Variants in GPM6A observed in about 807,000 individuals in gnomAD.
GPM6A encodes the protein glycoprotein M6A, also known as neuronal membrane glycoprotein M6-a.
A neutral mutation model predicts 32.1 loss-of-function variants in GPM6A; 7 were observed. That is an observed-to-expected ratio of 0.22 (90% CI 0.12 to 0.41). The LOEUF (loss-of-function observed/expected upper bound fraction) is 0.41. Among genes scored for constraint, GPM6A ranks in the 10% least tolerant of loss-of-function variants. GPM6A has a pLI of 1.00. For missense variants in GPM6A, 235 were observed against 347.2 expected (o/e 0.68, Z 2.57); for synonymous variants, 130 against 123.4 (o/e 1.05, Z -0.35).
chr4:175,719,836 TTCTC>T (rs539581824), intron 1 of GPM6A, among the ~76,000 whole-genome samples: 131 of 152,296 alleles, frequency 8.6e-4, no homozygotes, highest in African/African-American at 3.1e-3. Flanking sequence ...AATATTTTCC[TTCTC>T]TCTCCCTCCC....
chr4:175,948,870 T>C (rs1739704180), intron 1 of GPM6A, among the ~76,000 whole-genome samples: 1 of 152,068 alleles, frequency 6.6e-6, no homozygotes. Context: ...ATCATTAAAA[T>C]GCCATAGATC....
intron 1 of GPM6A, among the ~76,000 whole-genome samples, chr4:175,780,358 C>A (rs1210999347): frequency 6.6e-6 from 1 of 152,084 alleles, no homozygotes; most frequent in Admixed American, 6.5e-5. Context: ...CAGGCATCAA[C>A]TTTTAATAAA....
At chr4:175,938,882 TGGGAAAAAGA>T (rs1169885352) in intron 1 of GPM6A, among the ~76,000 whole-genome samples, 1 of 151,992 alleles carries the variant, frequency 6.6e-6, no homozygotes, top group African/African-American at 2.4e-5. Context: ...CAATAAGAAA[TGGGAAAAAGA>T]CTAAAGTCAA....
At chr4:175,895,447 A>G (rs1737767486) in intron 1 of GPM6A, among the ~76,000 whole-genome samples, 1 of 152,216 alleles carries the variant, frequency 6.6e-6, no homozygotes, top group Admixed American at 6.5e-5. Context: ...ATTGGAAAAA[A>G]CTAAGAACTT....
chr4:175,883,406 C>T (rs535318758), intron 1 of GPM6A, among the ~76,000 whole-genome samples: 1 of 152,076 alleles, frequency 6.6e-6, no homozygotes, highest in East Asian at 1.9e-4. Context: ...TTGCAATATC[C>T]AATCAATATA....
At chr4:175,949,561 A>AT (rs202206058) in intron 1 of GPM6A, among the ~76,000 whole-genome samples, 9,130 of 152,218 alleles carry the variant, frequency 0.06, 864 homozygotes, top group African/African-American at 0.2. Context: ...AGTTTGTTTG[A>AT]TTTTTTATCT....
At chr4:175,727,282 C>A (rs1731211429) in intron 1 of GPM6A, among the ~76,000 whole-genome samples, 1 of 152,062 alleles carries the variant, frequency 6.6e-6, no homozygotes. Flanking sequence ...ACCTAGTAGA[C>A]TTGAAAACAA....
At chr4:175,943,707 G>GC (rs1739491242) in intron 1 of GPM6A, among the ~76,000 whole-genome samples, 1 of 152,120 alleles carries the variant, frequency 6.6e-6, no homozygotes, top group South Asian at 2.1e-4. Context: ...TGTTTAACCA[G>GC]CCTTACATCC....
chr4:175,718,863 T>C (rs1745974156), intron 1 of GPM6A, among the ~76,000 whole-genome samples: 1 of 152,110 alleles, frequency 6.6e-6, no homozygotes. Context: ...AATAAAAATA[T>C]AACTTTAAAA....
intron 1 of GPM6A, among the ~76,000 whole-genome samples, chr4:175,868,400 T>A (rs1736805572): frequency 6.6e-6 from 1 of 152,220 alleles, no homozygotes; most frequent in Non-Finnish European, 1.5e-5. Context: ...TTCTATGTCA[T>A]TAACTTGTTT....
At chr4:175,736,315 TA>T (rs550961938) in intron 1 of GPM6A, among the ~76,000 whole-genome samples, 3 of 152,042 alleles carry the variant, frequency 2.0e-5, no homozygotes, top group African/African-American at 7.2e-5. Flanking sequence ...GCACATGGCA[TA>T]AAAAAAAGTT....
intron 1 of GPM6A, among the ~76,000 whole-genome samples, chr4:175,730,861 A>G (rs1171352043): frequency 1.3e-5 from 2 of 152,054 alleles, no homozygotes; most frequent in Non-Finnish European, 2.9e-5. Flanking sequence ...TAAACTGCCC[A>G]CTAATGACCC....
chr4:175,643,583 A>G (rs1011928991), intron 4 of GPM6A, among the ~76,000 whole-genome samples: 2 of 152,108 alleles, frequency 1.3e-5, no homozygotes, highest in Non-Finnish European at 2.9e-5. Context: ...AAAAAAAAAT[A>G]CTATCGTTAC....
chr4:175,881,460 G>C (rs1175306744), intron 1 of GPM6A, among the ~76,000 whole-genome samples: 3 of 152,172 alleles, frequency 2.0e-5, no homozygotes, highest in Non-Finnish European at 4.4e-5. Context: ...TCTAGAACTG[G>C]AAATACCATT....
In GPM6A at chr4:175,666,981, G is replaced by A. The variant is rs542992257; in HGVS notation, c.387+6699C>T. On this transcript the variant is annotated intron_variant, in intron 3 of 6. Transcript: ENST00000393658. ...AGAAATTAGAAATTCATACGTTATGGAGATATTTCCCTAAACTTTTTAGAG... is the reference window on the plus strand; with the variant it reads ...AGAAATTAGAAATTCATACGTTATGAAGATATTTCCCTAAACTTTTTAGAG... Among the ~76,000 whole-genome samples the A allele has an allele frequency of 9.5e-4, 144 of 152,208 alleles. 2 individuals are homozygous for A. The highest frequency in any genetic ancestry group is 1.5e-3 in the Non-Finnish European group (103 of 68,012).
intron 6 of GPM6A, among the ~76,000 whole-genome samples, chr4:175,637,245 T>C (rs1174579198): frequency 1.1e-3 from 44 of 39,590 alleles, no homozygotes; most frequent in African/African-American, 3.6e-3. Context: ...TATTATATAT[T>C]ATATATAATA....
intron 1 of GPM6A, among the ~76,000 whole-genome samples, chr4:175,827,536 A>G (rs931604063): frequency 5.9e-5 from 9 of 152,358 alleles, no homozygotes; most frequent in African/African-American, 1.4e-4. Flanking sequence ...GCTCTTCATC[A>G]TAACACTGCT....
intron 1 of GPM6A, among the ~76,000 whole-genome samples, chr4:175,744,519 A>T (rs1175557353): frequency 6.6e-6 from 1 of 152,152 alleles, no homozygotes; most frequent in African/African-American, 2.4e-5. Flanking sequence ...CTCAAAATTT[A>T]AAAATATCTA....
chr4:175,815,630 A>G (rs1246148329), upstream of GPM6A, among the ~76,000 whole-genome samples: 1 of 152,062 alleles, frequency 6.6e-6, no homozygotes, highest in Non-Finnish European at 1.5e-5. Flanking sequence ...CTGTAATCAA[A>G]ACACATTTTG....
Sources: gnomAD v4.1 joint callset for allele counts (sites outside exome capture counted in the v4.1 genomes callset) on GRCh38, gnomAD v4.1.1 for gene constraint, MANE v1.5 for transcripts, NCBI Gene and HGNC (gene_info 2026-07-23, HGNC 2026-07-21) for gene names.